Variants in SPEN observed in about 807,000 individuals in gnomAD.
SPEN encodes the protein msx2-interacting protein.
Under a neutral mutation model 269.9 loss-of-function variants are expected in SPEN, and 18 were observed. The ratio of observed to expected loss-of-function variants is 0.07; its 90% CI spans 0.05 to 0.10. The LOEUF is 0.10. SPEN is among the 10% of genes least tolerant of loss of function. The pLI is 1.00. For missense variants in SPEN, 3,822 were observed against 4,631.2 expected (o/e 0.83, Z 5.07); for synonymous variants, 1,726 against 1,765.7 (o/e 0.98, Z 0.56).
chr1:15,876,348 A>G lies in SPEN; in HGVS notation c.551A>G (p.Tyr184Cys), dbSNP rs145825452. Residue 184 changes from tyrosine to cysteine, a missense_variant, in exon 3 of 15, where the codon TAC becomes TGC. Physicochemically the swap from Tyr to Cys is radical, Grantham distance 194. This residue lies in a region of SPEN where 327 missense variants were observed against 350.8 expected (regional missense o/e 0.93). Transcript: ENST00000375759. ...RERTLQHGLY[Y>C]ASRSRSPNRF... is the part of the protein sequence containing the mutation. ...CGGACTTTACAACATGGGCTCTATT[A>G]CGCTTCTCGGAGTCGAAGTCCAAAT... 1.6e-4 allele frequency: 254 copies of G among 1,613,922 alleles called. No individual in the cohort carries two copies. Among genetic ancestry groups the G allele is most frequent in the Non-Finnish European group, 2.0e-4 (236 of 1,180,018 alleles).
rs750957886 is a variant in SPEN, at chr1:15,931,348, C to T, written c.5108C>T (p.Pro1703Leu). 2 of 1,614,052 alleles carry T rather than the reference C, an allele frequency of 1.2e-6. No individual in the cohort carries two copies. The highest frequency in any genetic ancestry group is 2.2e-5 in the South Asian group (2 of 91,086). The change falls in exon 11 of 15, where the codon CCC becomes CTC. Residue 1703 changes from proline (P) to leucine (L), a missense_variant. By Grantham distance (98) the Pro-to-Leu change is moderately conservative. Coordinates refer to ENST00000375759, the MANE Select transcript of SPEN (RefSeq NM_015001.3). This position sits in a 1 kb window ranked among gnomAD's most constrained non-coding sequence, Gnocchi z 4.8. Reference protein sequence around the residue: ...PVEQLEQVDLPPGADPDKEAA... With the variant: ...PVEQLEQVDLLPGADPDKEAA... ...GAACAGCTGGAACAAGTAGACCTGC[C>T]CCCAGGAGCAGACCCCGATAAAGAA...
At chr1:15,866,643 G>A (rs1347057487) in intron 1 of SPEN, among the ~76,000 whole-genome samples, 4 of 152,140 alleles carry the variant, frequency 2.6e-5, no homozygotes, top group South Asian at 2.1e-4. Context: ...GTGAGCCACC[G>A]CGCCCGGCTG....
Position 15,919,396 on chromosome 1 carries a change from A to T in SPEN, c.1522-8A>T. ...TTTACTAATAGAAATTTTGCCTTTT[A>T]TATTCAGCTGGGTTTTGGAAAGAGC... On this transcript the variant is annotated splice_polypyrimidine_tract_variant and splice_region_variant and intron_variant, in intron 7 of 14. Transcript: ENST00000375759. 6.4e-7 allele frequency: 1 copy of T among 1,566,216 alleles called. No individual in the cohort carries two copies. Among genetic ancestry groups the T allele is most frequent in the Non-Finnish European group, 8.6e-7 (1 of 1,162,556 alleles).
At chr1:15,889,164 CTTTTTTT>C (rs56721891) in intron 3 of SPEN, among the ~76,000 whole-genome samples, 2 of 124,928 alleles carry the variant, frequency 1.6e-5, no homozygotes, top group Non-Finnish European at 3.2e-5. Flanking sequence ...CTTTTCTTTT[CTTTTTTT>C]TTTTTTTTTG....
intron 5 of SPEN, among the ~76,000 whole-genome samples, chr1:15,915,710 AT>A (rs989971719): frequency 6.6e-6 from 1 of 151,206 alleles, no homozygotes; most frequent in African/African-American, 2.4e-5. Flanking sequence ...AATTTTTTGT[AT>A]TTTTTTTGGT....
chr1:15,857,030 C>T (rs1300183327), intron 1 of SPEN, among the ~76,000 whole-genome samples: 4 of 151,936 alleles, frequency 2.6e-5, no homozygotes, highest in Non-Finnish European at 4.4e-5. Context: ...CTCCAACAAC[C>T]ATCAGTTATG....
At chr1:15,899,538 T>G (rs909270963) in intron 3 of SPEN, among the ~76,000 whole-genome samples, 3 of 39,408 alleles carry the variant, frequency 7.6e-5, no homozygotes, top group African/African-American at 9.7e-5. Context: ...TGTGGCAGAG[T>G]TTTTTTTTTT....
intron 1 of SPEN, among the ~76,000 whole-genome samples, chr1:15,869,159 C>T (rs1044752992): frequency 1.3e-5 from 2 of 152,054 alleles, no homozygotes; most frequent in Admixed American, 6.6e-5. Flanking sequence ...CAGGTTCAAG[C>T]GATTCCCCTG....
Position 15,934,090 on chromosome 1 carries a change from A to G in SPEN, c.7850A>G (p.Lys2617Arg). 1 of 1,611,008 alleles carries G rather than the reference A, an allele frequency of 6.2e-7. No homozygotes were observed. The highest frequency in any genetic ancestry group is 1.1e-5 in the South Asian group (1 of 90,958). ...AAGGTGGCTCCAGTCATTGCTCCCA[A>G]AATTACCTCTGTTATTAGCCGGATG... is the stretch of plus-strand genomic sequence containing the variant. ...KEKVAPVIAP[K>R]ITSVISRMPV... Residue 2617 changes from lysine to arginine, a missense_variant, in exon 11 of 15, where the codon AAA becomes AGA. Physicochemically the swap from Lys to Arg is conservative, Grantham distance 26. Transcript: ENST00000375759. This position sits in a 1 kb window ranked among gnomAD's most constrained non-coding sequence, Gnocchi z 9.2.
intron 1 of SPEN, among the ~76,000 whole-genome samples, chr1:15,867,639 G>C (rs901907894): frequency 6.6e-6 from 1 of 151,554 alleles, no homozygotes; most frequent in African/African-American, 2.4e-5. Flanking sequence ...TTTCACCCAG[G>C]CTGGGTGGCT....
intron 3 of SPEN, among the ~76,000 whole-genome samples, chr1:15,905,502 G>T (rs2070947162): frequency 6.6e-6 from 1 of 151,534 alleles, no homozygotes; most frequent in Non-Finnish European, 1.5e-5. Context: ...GATTACAGGT[G>T]TTAGCTACCA....
intron 3 of SPEN, among the ~76,000 whole-genome samples, chr1:15,880,752 C>T (rs1395029970): frequency 4.6e-5 from 7 of 152,082 alleles, no homozygotes; most frequent in Admixed American, 6.6e-5. Context: ...CCACTGTGCC[C>T]GGCCAATGAT....
rs566837865 is a variant in SPEN, at chr1:15,887,590, T to A, written c.881+10912T>A. On this transcript the variant is annotated intron_variant, in intron 3 of 14. Coordinates refer to ENST00000375759, the MANE Select transcript of SPEN (RefSeq NM_015001.3). ...GATTACAGGCGTGAGCCACTGTGCC[T>A]GGCCGAAAAAAATTTTTAATGTTGC... 6.6e-5 allele frequency among the ~76,000 whole-genome samples: 10 copies of A among 151,614 alleles called. No individual in the cohort carries two copies. In the East Asian group the frequency reaches 1.8e-3, roughly 27 times the overall value.
rs201967729 is a variant in SPEN at position 15,929,067 on chromosome 1, A to G, written c.2827A>G (p.Lys943Glu). 4.1e-5 allele frequency: 66 copies of G among 1,614,244 alleles called. No homozygotes were observed. The highest frequency in any genetic ancestry group is 2.5e-6 in the Non-Finnish European group (3 of 1,180,044). The change falls in exon 11 of 15, where the codon AAG becomes GAG. Residue 943 changes from lysine to glutamate, a missense_variant. Transcript: ENST00000375759. This position sits in a 1 kb window ranked among gnomAD's most constrained non-coding sequence, Gnocchi z 5.8. ...ESVRMKVPKE[K>E]GLSSHVEVVE... ...AGTTAGAATGAAAGTACCAAAGGAA[A>G]AGGGGCTTTCAAGCCATGTTGAAGT...
rs1358438930 is a variant in SPEN at position 15,855,755 on chromosome 1, C to T, written c.83+7605C>T. Among the ~76,000 whole-genome samples the T allele has an allele frequency of 4.0e-5, 6 of 151,082 alleles. No homozygotes were observed. In the East Asian group the frequency reaches 7.9e-4, roughly 20 times the overall value. On this transcript the variant is annotated intron_variant, in intron 1 of 14. Coordinates refer to ENST00000375759, the MANE Select transcript of SPEN (RefSeq NM_015001.3). ...GCAAGCACCTATAATCCCAGCTACT[C>T]GGGAGGCTGAGGCAGGAGAATCGCT... is the stretch of plus-strand genomic sequence containing the variant.
At chr1:15,850,316 G>A (rs1364766600) in intron 1 of SPEN, among the ~76,000 whole-genome samples, 1 of 152,126 alleles carries the variant, frequency 6.6e-6, no homozygotes, top group South Asian at 2.1e-4. Context: ...ACCTATTGCA[G>A]AGTAAAAGCA....
chr1:15,895,750 G>A (rs962690584), intron 3 of SPEN, among the ~76,000 whole-genome samples: 1 of 145,500 alleles, frequency 6.9e-6, no homozygotes, highest in Admixed American at 7.1e-5. Context: ...GCATGATCTC[G>A]GCTCACTGCA....
intron 5 of SPEN, among the ~76,000 whole-genome samples, chr1:15,911,768 C>G (rs2071013964): frequency 6.6e-6 from 1 of 152,030 alleles, no homozygotes; most frequent in Non-Finnish European, 1.5e-5. Flanking sequence ...CAAGACCAGC[C>G]TGGCCAACAT....
At chr1:15,877,866 T>C (rs1221723210) in intron 3 of SPEN, among the ~76,000 whole-genome samples, 1 of 151,396 alleles carries the variant, frequency 6.6e-6, no homozygotes, top group Non-Finnish European at 1.5e-5. Flanking sequence ...TGCCTCAGCT[T>C]CCCATGTAGC....
Sources: allele counts gnomAD v4.1 joint callset (sites outside exome capture counted in the v4.1 genomes callset), GRCh38; gene constraint gnomAD v4.1.1; regional missense constraint gnomAD v4.1.1; non-coding constraint Gnocchi (gnomAD v3.1); transcripts MANE v1.5; gene names NCBI Gene and HGNC (gene_info 2026-07-23, HGNC 2026-07-21).